The following MCHR2 variants were observed in gnomAD, a reference collection of about 807,000 sequenced individuals.
MCHR2 encodes the protein melanin-concentrating hormone receptor 2.
Under a neutral mutation model 24.8 loss-of-function variants are expected in MCHR2, and 15 were observed. The observed-to-expected ratio is 0.60, with a 90% CI of 0.40 to 0.93. MCHR2 has a LOEUF of 0.93. Ranked by LOEUF, MCHR2 falls within the 40% of genes least tolerant of loss-of-function variation. The probability of loss-of-function intolerance (pLI) is 0.00; values close to 1 mark genes in which losing one functional copy is unlikely to be tolerated. For missense variants in MCHR2, 386 were observed against 408.7 expected (o/e 0.94, Z 0.48); for synonymous variants, 151 against 147.6 (o/e 1.02, Z -0.17).
chr6:99,959,185 G>T (rs761055874), intron 1 of MCHR2, among the ~76,000 whole-genome samples: 2 of 152,100 alleles, frequency 1.3e-5, no homozygotes, highest in Non-Finnish European at 1.5e-5. Context: ...AAAAGAGTCA[G>T]ATGGCATGCT....
At chr6:99,975,876 C>G (rs565357321) in intron 1 of MCHR2, among the ~76,000 whole-genome samples, 3 of 152,352 alleles carry the variant, frequency 2.0e-5, no homozygotes, top group African/African-American at 7.2e-5. Context: ...TGTCACTTTT[C>G]AATCACAAAC....
In MCHR2 at chr6:99,931,953, C is replaced by T. The variant is rs182125827; in HGVS notation, c.707+2445G>A. ...GTCGCTCACGCTGGGAGCTGTAGAC[C>T]GGAGCTGTTCCTATTCGGCCATCTT... On this transcript the variant is annotated intron_variant, in intron 5 of 5. Transcript: ENST00000281806. 2.0e-4 allele frequency among the ~76,000 whole-genome samples: 30 copies of T among 152,228 alleles called. No homozygotes were observed. The East Asian group carries it at 4.9e-3, about 25-fold the overall frequency.
chr6:99,920,860 A>G lies in MCHR2; in HGVS notation c.*80T>C. ...GTACACAAGAAGAATGGGCATAAAC[A>G]TATCGGTACACCTGCCCTTTCTGAT... On this transcript the variant is annotated 3_prime_UTR_variant, in exon 6 of 6. Coordinates refer to ENST00000281806, the MANE Select transcript of MCHR2 (RefSeq NM_001040179.2). 1 of 1,390,326 alleles carries G rather than the reference A, an allele frequency of 7.2e-7. No homozygotes were observed. The highest frequency in any genetic ancestry group is 1.0e-6 in the Non-Finnish European group (1 of 1,000,434). 86.1% of individuals were successfully genotyped at this position (1,390,326 alleles called of 1,614,324 possible).
intron 1 of MCHR2, among the ~76,000 whole-genome samples, chr6:99,990,718 C>T (rs967817339): frequency 1.8e-4 from 28 of 151,872 alleles, no homozygotes; most frequent in Non-Finnish European, 2.9e-5. Flanking sequence ...TAAACTTTTC[C>T]CTGGATAAAA....
rs1281081268 is a variant in MCHR2, at chr6:99,934,529, G to A, written c.588-12C>T. 6.5e-7 allele frequency: 1 copy of A among 1,548,006 alleles called. No individual in the cohort carries two copies. The highest frequency in any genetic ancestry group is 8.7e-7 in the Non-Finnish European group (1 of 1,154,142). ...AATAAAGTGTATACCTGTAAAATGA[G>A]AGAGAGAAGAGAGAGAGAGAAAGAA... is the stretch of plus-strand genomic sequence containing the variant. On this transcript the variant is annotated splice_polypyrimidine_tract_variant and intron_variant, in intron 4 of 5. Transcript: ENST00000281806.
chr6:99,967,371 C>G (rs1775314063), intron 1 of MCHR2, among the ~76,000 whole-genome samples: 1 of 151,908 alleles, frequency 6.6e-6, no homozygotes, highest in Non-Finnish European at 1.5e-5. Context: ...GTTAAGAAGT[C>G]TGAAAAGTGA....
intron 5 of MCHR2, among the ~76,000 whole-genome samples, chr6:99,924,525 G>T (rs1467687851): frequency 1.3e-5 from 2 of 151,766 alleles, no homozygotes; most frequent in Non-Finnish European, 2.9e-5. Flanking sequence ...TCATCTTTTT[G>T]ATGTAGGCAC....
chr6:99,939,739 T>C (rs2114516609), intron 4 of MCHR2, among the ~76,000 whole-genome samples: 1 of 151,724 alleles, frequency 6.6e-6, no homozygotes, highest in South Asian at 2.1e-4. Flanking sequence ...ACAGAAGAAC[T>C]CCCTTTAGCA....
intron 1 of MCHR2, among the ~76,000 whole-genome samples, chr6:99,986,699 G>A (rs955635160): frequency 6.6e-6 from 1 of 151,816 alleles, no homozygotes; most frequent in Non-Finnish European, 1.5e-5. Context: ...GGTGAGGGAT[G>A]GAATAATTCC....
chr6:99,927,322 CT>C (rs1430486507), intron 5 of MCHR2, among the ~76,000 whole-genome samples: 1 of 152,116 alleles, frequency 6.6e-6, no homozygotes, highest in Non-Finnish European at 1.5e-5. Flanking sequence ...GATGTGGGCT[CT>C]TTTTTGGTTC....
At chr6:99,936,549 A>G (rs1774664619) in intron 4 of MCHR2, among the ~76,000 whole-genome samples, 2 of 151,954 alleles carry the variant, frequency 1.3e-5, no homozygotes, top group Admixed American at 6.6e-5. Flanking sequence ...CCATTCGTCA[A>G]TGTGTCTTTT....
intron 1 of MCHR2, among the ~76,000 whole-genome samples, chr6:99,960,733 G>C (rs982192429): frequency 2.0e-5 from 3 of 152,112 alleles, no homozygotes; most frequent in Admixed American, 2.0e-4. Flanking sequence ...AGGGGGAAAG[G>C]ATTTCCCATT....
At chr6:99,922,583 C>G (rs952805597) in intron 5 of MCHR2, among the ~76,000 whole-genome samples, 2 of 152,108 alleles carry the variant, frequency 1.3e-5, no homozygotes, top group Non-Finnish European at 2.9e-5. Context: ...AGAAATGGGG[C>G]TCTAGTTTCA....
At chr6:99,969,798 T>G (rs1053870622) in intron 1 of MCHR2, among the ~76,000 whole-genome samples, 1 of 149,500 alleles carries the variant, frequency 6.7e-6, no homozygotes, top group African/African-American at 2.5e-5. Flanking sequence ...CACCTATGAG[T>G]GAGAACATGT....
intron 4 of MCHR2, among the ~76,000 whole-genome samples, chr6:99,939,645 T>C (rs535428725): frequency 6.6e-6 from 1 of 152,158 alleles, no homozygotes; most frequent in South Asian, 2.1e-4. Flanking sequence ...TCTGGGCTTG[T>C]TAATGTATTT....
Position 99,919,593 on chromosome 6 carries a change from C to A in MCHR2, c.*1347G>T, listed in dbSNP as rs1395584138. On this transcript the variant is annotated 3_prime_UTR_variant, in exon 6 of 6. Coordinates refer to ENST00000281806, the MANE Select transcript of MCHR2 (RefSeq NM_001040179.2). ...TTAAATGCATTGTTTCCTTTCCTAA[C>A]TATATATAAGTCTAAAGAGGAAAGA... Among the ~76,000 whole-genome samples, 3 of 151,978 alleles carry A rather than the reference C, an allele frequency of 2.0e-5. No individual in the cohort carries two copies. The highest frequency in any genetic ancestry group is 2.9e-5 in the Non-Finnish European group (2 of 68,020).
intron 3 of MCHR2, among the ~76,000 whole-genome samples, chr6:99,944,591 C>A (rs543878023): frequency 6.6e-6 from 1 of 152,244 alleles, no homozygotes; most frequent in South Asian, 2.1e-4. Context: ...GCTACCCATC[C>A]TCTCTGCACA....
rs145329438 is a variant in MCHR2 at position 99,924,516 on chromosome 6, C to A, written c.708-3261G>T. On this transcript the variant is annotated intron_variant, in intron 5 of 5. Transcript: ENST00000281806. ...ATTAGACTGTTTATTTGACATTTTT[C>A]ATCTTTTTGATGTAGGCACTTACAG... Among the ~76,000 whole-genome samples the A allele has an allele frequency of 5.7e-4, 86 of 151,946 alleles. 1 individual carries two copies. The East Asian group carries it at 9.7e-3, about 17-fold the overall frequency.
intron 5 of MCHR2, 35 bp downstream of exon 5, chr6:99,934,363 G>T (rs1323623714): frequency 1.3e-6 from 2 of 1,522,578 alleles, no homozygotes; most frequent in Middle Eastern, 1.8e-4. Flanking sequence ...TATCTAAATT[G>T]TTCTTTTAAC....
Sources: allele counts gnomAD v4.1 joint callset (sites outside exome capture counted in the v4.1 genomes callset), GRCh38; gene constraint gnomAD v4.1.1; transcripts MANE v1.5; gene names NCBI Gene and HGNC (gene_info 2026-07-23, HGNC 2026-07-21).